PTPRB: variants seen among roughly 807,000 people sequenced by gnomAD.
PTPRB encodes the protein receptor-type tyrosine-protein phosphatase beta.
In PTPRB, 97 loss-of-function variants were observed where a neutral mutation model predicts 238.1. The observed-to-expected ratio is 0.41, with a 90% CI of 0.35 to 0.48. The LOEUF (loss-of-function observed/expected upper bound fraction) is 0.48. Ranked by LOEUF, PTPRB falls within the 20% of genes least tolerant of loss-of-function variation. The pLI is 0.30. For missense variants in PTPRB, 2,292 were observed against 2,681.9 expected (o/e 0.85, Z 3.21); for synonymous variants, 970 against 995.4 (o/e 0.97, Z 0.48).
In PTPRB at chr12:70,538,316, C is replaced by A. The variant is rs1341649526; in HGVS notation, c.5870-85G>T. On this transcript the variant is annotated intron_variant, in intron 27 of 33. Coordinates refer to ENST00000334414, the MANE Select transcript of PTPRB (RefSeq NM_001109754.4). ...GTGTGATGTGCCTTAGCTCTGATCCCCACAACAGCCACAGATGGGAAGTGA... is the reference window on the plus strand; with the variant it reads ...GTGTGATGTGCCTTAGCTCTGATCCACACAACAGCCACAGATGGGAAGTGA... 5.7e-6 allele frequency: 6 copies of A among 1,060,254 alleles called. No homozygotes were observed. In the East Asian group the frequency reaches 1.2e-4, roughly 21 times the overall value. The allele number at this position is 1,060,254 out of a possible 1,614,324, so 65.7% of individuals were successfully genotyped here. A position where few individuals can be genotyped will look rare whatever the true frequency, so the allele number is the denominator to read the frequency against.
chr12:70,569,092 T>C (rs1241583764), intron 14 of PTPRB, among the ~76,000 whole-genome samples: 1 of 152,080 alleles, frequency 6.6e-6, no homozygotes, highest in Non-Finnish European at 1.5e-5. Context: ...TATTAAAATT[T>C]ATTTATTTAT....
intron 2 of PTPRB, among the ~76,000 whole-genome samples, chr12:70,628,642 A>G (rs1393184119): frequency 6.6e-6 from 1 of 152,162 alleles, no homozygotes; most frequent in East Asian, 1.9e-4. Flanking sequence ...CCCATCTGAT[A>G]GATTCATAAA....
chr12:70,614,839 G>A (rs1431869288), intron 3 of PTPRB, among the ~76,000 whole-genome samples: 1 of 152,190 alleles, frequency 6.6e-6, no homozygotes, highest in Non-Finnish European at 1.5e-5. Context: ...CCTGCAGCAG[G>A]TGTGATGCAT....
At chr12:70,533,961 T>C (rs1418225012) in intron 31 of PTPRB, among the ~76,000 whole-genome samples, 2 of 152,216 alleles carry the variant, frequency 1.3e-5, no homozygotes, top group Non-Finnish European at 2.9e-5. Flanking sequence ...TATTTTGTTT[T>C]AGCAGCACAA....
rs745581450 is a variant in PTPRB at position 70,571,161 on chromosome 12, A to C, written c.3235T>G (p.Phe1079Val). 3 of 1,614,038 alleles carry C rather than the reference A, an allele frequency of 1.9e-6. No individual in the cohort carries two copies. Among genetic ancestry groups the C allele is most frequent in the Non-Finnish European group, 2.5e-6 (3 of 1,179,904 alleles). ...IQLLFNDMKV[F>V]PPFHLVNTAT... ...GTATTTACAAGGTGAAAAGGAGGAA[A>C]TACTTTCATGTCATTGAAGAGCAGC... Residue 1079 changes from phenylalanine (F) to valine (V), a missense_variant, in exon 13 of 34, where the codon TTT becomes GTT. Physicochemically the swap from Phe to Val is conservative, Grantham distance 50. Around this residue, in one of 4 missense-constraint regions of PTPRB, gnomAD observed 1,205 missense variants for 1,287.8 expected, o/e 0.94. Transcript: ENST00000334414.
At chr12:70,562,722 C>A (rs748254195) in intron 16 of PTPRB, 122 bp downstream of exon 16, 29 of 1,270,232 alleles carry the variant, frequency 2.3e-5, no homozygotes, top group Non-Finnish European at 2.9e-5. Flanking sequence ...GCCTGAAAGT[C>A]ACAAATGCCA....
At chr12:70,544,475 A>C in intron 22 of PTPRB, 82 bp downstream of exon 22, 1 of 927,642 alleles carries the variant, frequency 1.1e-6, no homozygotes. Context: ...TGTTCCCCCC[A>C]CCATCAGCCA....
chr12:70,635,621 G>T, intron 2 of PTPRB, 50 bp downstream of exon 2: 18 of 1,556,450 alleles, frequency 1.2e-5, no homozygotes, highest in Non-Finnish European at 1.6e-5. Context: ...AAACCCCCAA[G>T]ATATTTAGTA....
chr12:70,591,101 AT>A (rs55873756), intron 7 of PTPRB, among the ~76,000 whole-genome samples: 33,831 of 137,256 alleles, frequency 0.25, 3,986 homozygotes, highest in Middle Eastern at 0.37. Context: ...CAGCTAATTA[AT>A]TTTTTTTTTT....
rs1454996912 is a variant in PTPRB at position 70,635,975 on chromosome 12, G to T, written c.147C>A (p.Asn49Lys). Residue 49 changes from asparagine (N) to lysine (K), a missense_variant, in exon 2 of 34, where the codon AAC (asparagine) becomes AAA (lysine). By Grantham distance (94) the Asn-to-Lys change is moderately conservative (BLOSUM62 0). Transcript: ENST00000334414. ...VVGSCNRTIQ[N>K]QQWMWTEDEK... ...CATCCTCAGTCCACATCCACTGCTGGTTCTGGATGGTCCTGTTGCATGAGC... is the reference window on the plus strand; with the variant it reads ...CATCCTCAGTCCACATCCACTGCTGTTTCTGGATGGTCCTGTTGCATGAGC... 1.9e-6 allele frequency: 3 copies of T among 1,613,468 alleles called. No homozygotes were observed. The highest frequency in any genetic ancestry group is 4.5e-5 in the East Asian group (2 of 44,860).
intron 7 of PTPRB, chr12:70,591,740 A>G (rs1392362706): frequency 6.5e-6 from 1 of 153,378 alleles, no homozygotes; most frequent in Non-Finnish European, 1.5e-5. Flanking sequence ...ATTTGTTTGT[A>G]CAACCCTTTA....
intron 3 of PTPRB, among the ~76,000 whole-genome samples, chr12:70,619,618 T>C (rs990784589): frequency 6.6e-6 from 1 of 152,158 alleles, no homozygotes; most frequent in Non-Finnish European, 1.5e-5. Context: ...TGTAGCCTAC[T>C]GGCAGATAAG....
At chr12:70,537,284 C>CAAAA (rs58633138) in intron 28 of PTPRB, among the ~76,000 whole-genome samples, 32 of 90,684 alleles carry the variant, frequency 3.5e-4, no homozygotes, top group African/African-American at 9.5e-4. Context: ...AAGACCATCT[C>CAAAA]AAAAAAAAAA....
chr12:70,587,647 G>A (rs1882054153), intron 8 of PTPRB, among the ~76,000 whole-genome samples: 1 of 152,154 alleles, frequency 6.6e-6, no homozygotes, highest in South Asian at 2.1e-4. Context: ...CCCATAGGTT[G>A]AGGAGACCAA....
chr12:70,552,832 C>T lies in PTPRB; in HGVS notation c.5332G>A (p.Asp1778Asn), dbSNP rs778294640. ...TCACAGAATTTTTGCTGAGTGGGAT[C>T]GCATTTTCCACCTAGGCTCTCCATC... ...AEMESLGGKC[D>N]PTQQKFCDGP... The change falls in exon 21 of 34, where the codon GAT becomes AAT. Residue 1778 changes from aspartate to asparagine, a missense_variant. By Grantham distance (23) the Asp-to-Asn change is conservative. This residue lies in a region of PTPRB where 683 missense variants were observed against 862.0 expected (regional missense o/e 0.79). Coordinates refer to ENST00000334414, the MANE Select transcript of PTPRB (RefSeq NM_001109754.4). The T allele has an allele frequency of 8.1e-6, 13 of 1,613,760 alleles. No homozygotes were observed. Among genetic ancestry groups the T allele is most frequent in the Middle Eastern group, 1.6e-4 (1 of 6,084 alleles).
intron 11 of PTPRB, among the ~76,000 whole-genome samples, chr12:70,576,126 A>C (rs1880658887): frequency 6.6e-6 from 1 of 152,164 alleles, no homozygotes; most frequent in South Asian, 2.1e-4. Context: ...AAGATATATA[A>C]AGCCAGGCCC....
rs150493530 is a variant in PTPRB at position 70,594,851 on chromosome 12, G to A, written c.1259-127C>T. 3.3e-4 allele frequency: 389 copies of A among 1,192,216 alleles called. 4 individuals carry two copies. In the East Asian group the frequency reaches 8.6e-3, roughly 26 times the overall value. 73.9% of individuals were successfully genotyped at this position (1,192,216 alleles called of 1,614,324 possible). On this transcript the variant is annotated intron_variant, in intron 5 of 33. Coordinates refer to ENST00000334414, the MANE Select transcript of PTPRB (RefSeq NM_001109754.4). Reference sequence around the variant, plus strand: ...ACATCTTAACTTGATAATAGCATTAGTAAATAACAGGATTCTGGAAATTTC... The same window carrying A: ...ACATCTTAACTTGATAATAGCATTAATAAATAACAGGATTCTGGAAATTTC...
At chr12:70,563,374 A>G (rs1258759046) in intron 15 of PTPRB, among the ~76,000 whole-genome samples, 2 of 152,222 alleles carry the variant, frequency 1.3e-5, no homozygotes, top group Non-Finnish European at 2.9e-5. Flanking sequence ...ATGCTGCCTG[A>G]TTCCTCAGAA....
At chr12:70,585,829 A>G (rs1409096925) in intron 9 of PTPRB, among the ~76,000 whole-genome samples, 2 of 149,266 alleles carry the variant, frequency 1.3e-5, no homozygotes, top group Non-Finnish European at 3.0e-5. Context: ...CCGGTGTGTG[A>G]TGTTCCCCAC....
Sources: gnomAD v4.1 joint callset for allele counts (sites outside exome capture counted in the v4.1 genomes callset) on GRCh38, gnomAD v4.1.1 for gene constraint, gnomAD v4.1.1 regional missense constraint, MANE v1.5 for transcripts, NCBI Gene and HGNC (gene_info 2026-07-23, HGNC 2026-07-21) for gene names.